ARHGAP15: variants seen among roughly 807,000 people sequenced by gnomAD.
ARHGAP15 encodes rho GTPase-activating protein 15.
A neutral mutation model predicts 63.7 loss-of-function variants in ARHGAP15; 51 were observed. The observed-to-expected ratio is 0.80, with a 90% CI of 0.64 to 1.01. The LOEUF (loss-of-function observed/expected upper bound fraction) is 1.01. Among genes scored for constraint, ARHGAP15 ranks in the 50% least tolerant of loss-of-function variants. ARHGAP15 has a pLI of 0.00. For synonymous variants in ARHGAP15, 191 were observed against 193.8 expected, an observed-to-expected ratio of 0.99 and a Z score of 0.12; for missense variants, 560 against 564.6, an observed-to-expected ratio of 0.99 and a Z score of 0.08.
At chr2:143,286,911 G>A in intron 6 of ARHGAP15, among the ~76,000 whole-genome samples, 1 of 152,068 alleles carries the variant, frequency 6.6e-6, no homozygotes, top group East Asian at 1.9e-4. Flanking sequence ...GCATGTTACG[G>A]CATTGATCTT....
chr2:143,244,660 G>C (rs991897106), intron 5 of ARHGAP15, among the ~76,000 whole-genome samples: 1 of 152,090 alleles, frequency 6.6e-6, no homozygotes, highest in African/African-American at 2.4e-5. Flanking sequence ...AAAGGAGCTC[G>C]TATACCTTAC....
intron 6 of ARHGAP15, among the ~76,000 whole-genome samples, chr2:143,360,428 T>C (rs913759834): frequency 2.6e-5 from 4 of 151,462 alleles, no homozygotes; most frequent in Admixed American, 2.0e-4. Context: ...TCTTAATAAA[T>C]ATCAAAAGAT....
At chr2:143,464,351 A>C (rs1691103388) in intron 8 of ARHGAP15, among the ~76,000 whole-genome samples, 1 of 152,198 alleles carries the variant, frequency 6.6e-6, no homozygotes, top group Non-Finnish European at 1.5e-5. Flanking sequence ...AGAAATAAAG[A>C]ATAGACTGAA....
intron 12 of ARHGAP15, among the ~76,000 whole-genome samples, chr2:143,641,880 GAT>G (rs1161271745): frequency 1.3e-5 from 2 of 152,082 alleles, no homozygotes; most frequent in African/African-American, 4.8e-5. Flanking sequence ...CATTTTCAGA[GAT>G]ATGCACCAGG....
intron 13 of ARHGAP15, among the ~76,000 whole-genome samples, chr2:143,734,653 G>A (rs554916781): frequency 6.6e-6 from 1 of 152,300 alleles, no homozygotes; most frequent in East Asian, 1.9e-4. Context: ...AGTTGCTGAT[G>A]TTGCCTGGAA....
chr2:143,644,639 C>T (rs973115144), intron 12 of ARHGAP15, among the ~76,000 whole-genome samples: 2 of 152,078 alleles, frequency 1.3e-5, no homozygotes, highest in African/African-American at 4.8e-5. Flanking sequence ...TGAATTTTTA[C>T]AGTGACTGGA....
chr2:143,413,815 C>G (rs542470376), intron 6 of ARHGAP15, among the ~76,000 whole-genome samples: 2 of 152,148 alleles, frequency 1.3e-5, no homozygotes, highest in Admixed American at 6.5e-5. Context: ...GGAGAAGAAG[C>G]AAGACCAAAC....
chr2:143,450,967 A>G (rs1002545828), intron 8 of ARHGAP15, among the ~76,000 whole-genome samples: 1 of 151,982 alleles, frequency 6.6e-6, no homozygotes, highest in Non-Finnish European at 1.5e-5. Context: ...CAAGAGCTGA[A>G]ATAATTTGCA....
chr2:143,204,080 T>G (rs540192246), intron 3 of ARHGAP15, among the ~76,000 whole-genome samples: 104 of 152,236 alleles, frequency 6.8e-4, no homozygotes, highest in Non-Finnish European at 1.1e-3. Flanking sequence ...AGTCGTAACA[T>G]AAATGAACAC....
intron 8 of ARHGAP15, among the ~76,000 whole-genome samples, chr2:143,486,691 T>C (rs1345771486): frequency 1.3e-5 from 2 of 152,192 alleles, no homozygotes; most frequent in East Asian, 1.9e-4. Flanking sequence ...GCCTGATTAG[T>C]AGACATTCAG....
chr2:143,194,321 T>A lies in ARHGAP15; in HGVS notation c.166-7813T>A, dbSNP rs76068944. Among the ~76,000 whole-genome samples, 169 of 152,328 alleles carry A rather than the reference T, an allele frequency of 1.1e-3. 3 individuals carry two copies. In the East Asian group the frequency reaches 0.03, roughly 27 times the overall value. ...CGTTTTCTTAATCTACTCCCTAAACTATTTCATTTTGTTTATATCAAGAGA... is the reference window on the plus strand; with the variant it reads ...CGTTTTCTTAATCTACTCCCTAAACAATTTCATTTTGTTTATATCAAGAGA... On this transcript the variant is annotated intron_variant, in intron 2 of 13. Transcript: ENST00000295095.
intron 1 of ARHGAP15, among the ~76,000 whole-genome samples, chr2:143,146,157 GA>G (rs1286956483): frequency 6.6e-6 from 1 of 151,780 alleles, no homozygotes; most frequent in Non-Finnish European, 1.5e-5. Flanking sequence ...ATGCCATTAA[GA>G]GAGTGAAAAA....
At chr2:143,359,558 T>C (rs755984914) in intron 6 of ARHGAP15, among the ~76,000 whole-genome samples, 28 of 152,218 alleles carry the variant, frequency 1.8e-4, no homozygotes, top group Non-Finnish European at 3.5e-4. Flanking sequence ...TATACTGTTT[T>C]CTTCCAAAAT....
chr2:143,267,107 T>TCC (rs1558854640), intron 6 of ARHGAP15, among the ~76,000 whole-genome samples: 1 of 152,072 alleles, frequency 6.6e-6, no homozygotes, highest in Non-Finnish European at 1.5e-5. Context: ...GCATAATCCC[T>TCC]CCATATGTAC....
rs1347328693 is a variant in ARHGAP15 at position 143,535,034 on chromosome 2, G to T, written c.925+15670G>T. ...CCATATTTCTAATTTCCTTATGATAGAAAATTACTATAAGAATAAATTATG... is the reference window on the plus strand; with the variant it reads ...CCATATTTCTAATTTCCTTATGATATAAAATTACTATAAGAATAAATTATG... On this transcript the variant is annotated intron_variant, in intron 10 of 13. Coordinates refer to ENST00000295095, the MANE Select transcript of ARHGAP15 (RefSeq NM_018460.4). Among the ~76,000 whole-genome samples the T allele has an allele frequency of 5.3e-5, 8 of 152,048 alleles. No homozygotes were observed. The East Asian group carries it at 1.5e-3, about 29-fold the overall frequency.
intron 6 of ARHGAP15, among the ~76,000 whole-genome samples, chr2:143,257,239 C>A (rs1485023613): frequency 6.6e-6 from 1 of 152,054 alleles, no homozygotes; most frequent in East Asian, 1.9e-4. Flanking sequence ...TTACTAGATT[C>A]ATTCTTTTTG....
intron 9 of ARHGAP15, among the ~76,000 whole-genome samples, chr2:143,500,771 C>T (rs114204499): frequency 8.2e-4 from 124 of 152,142 alleles, no homozygotes; most frequent in African/African-American, 2.9e-3. Context: ...TGCAGATAGC[C>T]GTCTAAGAAA....
intron 3 of ARHGAP15, 27 bp from the exon 4 acceptor site, chr2:143,216,357 G>C (rs1385873682): frequency 6.3e-7 from 1 of 1,580,278 alleles, no homozygotes; most frequent in African/African-American, 1.4e-5. Flanking sequence ...GTTTGTCACG[G>C]TTTTAACATA....
At chr2:143,423,096 G>A (rs1260991267) in intron 6 of ARHGAP15, among the ~76,000 whole-genome samples, 1 of 152,112 alleles carries the variant, frequency 6.6e-6, no homozygotes. Context: ...ACCAGAAAGA[G>A]CTGGAGAAAC....
Sources: gnomAD v4.1 joint callset for allele counts (sites outside exome capture counted in the v4.1 genomes callset) on GRCh38, gnomAD v4.1.1 for gene constraint, MANE v1.5 for transcripts, NCBI Gene and HGNC (gene_info 2026-07-23, HGNC 2026-07-21) for gene names.